Variants in ABCG5 observed in about 807,000 individuals in gnomAD.
ABCG5 encodes the protein ATP binding cassette subfamily G member 5, also known as ATP-binding cassette sub-family G member 5.
A neutral mutation model predicts 64.5 loss-of-function variants in ABCG5; 64 were observed. The ratio of observed to expected loss-of-function variants is 0.99; its 90% CI spans 0.81 to 1.22. ABCG5 has a LOEUF of 1.22. Ranked by LOEUF, ABCG5 falls within the 50% of genes most tolerant of loss-of-function variation. The pLI is 0.00. For synonymous variants in ABCG5, 385 were observed against 326.3 expected (o/e 1.18, Z -1.94); for missense variants, 908 against 829.5 (o/e 1.09, Z -1.16).
chr2:43,811,909 T>C (rs140051355), downstream of ABCG5, among the ~76,000 whole-genome samples: 6 of 152,308 alleles, frequency 3.9e-5, no homozygotes, highest in African/African-American at 1.4e-4. Context: ...CCATTTTTAA[T>C]AACCTATTTA....
At chr2:43,823,849 T>C in intron 9 of ABCG5, 64 bp downstream of exon 9, 1 of 1,569,810 alleles carries the variant, frequency 6.4e-7, no homozygotes. Context: ...TTTTGTAAGG[T>C]TACAGCTGGA....
chr2:43,838,983 G>T, upstream of ABCG5: 2 of 1,478,376 alleles, frequency 1.4e-6, no homozygotes, highest in South Asian at 2.4e-5. This position sits in a 1 kb window ranked among gnomAD's most constrained non-coding sequence, Gnocchi z 4.2. Flanking sequence ...ACAGAGTGAA[G>T]ACACTGGCCC....
intron 4 of ABCG5, 139 bp downstream of exon 4, chr2:43,831,630 T>G: frequency 1.2e-6 from 1 of 845,476 alleles, no homozygotes; most frequent in Non-Finnish European, 1.9e-6. Context: ...GGGTGCACGG[T>G]GCAGGACGCA....
intron 2 of ABCG5, among the ~76,000 whole-genome samples, chr2:43,835,838 C>T (rs958405239): frequency 6.4e-4 from 98 of 152,272 alleles, no homozygotes; most frequent in Middle Eastern, 3.4e-3. Context: ...GACTTCCCAG[C>T]CCCTAGAACT....
Position 43,837,828 on chromosome 2 carries a change from G to A in ABCG5, c.265+6C>T, listed in dbSNP as rs528294492. ...TCCTTTTTAGAATCCTCCTTCCCAAGCTTACCTGAGCTTCCTAGGATGCAC... is the reference window on the plus strand; with the variant it reads ...TCCTTTTTAGAATCCTCCTTCCCAAACTTACCTGAGCTTCCTAGGATGCAC... On this transcript the variant is annotated splice_donor_region_variant and intron_variant, in intron 2 of 12. Transcript: ENST00000405322. 4 of 1,613,830 alleles carry A rather than the reference G, an allele frequency of 2.5e-6. No individual in the cohort carries two copies. The African/African-American group carries it at 5.3e-5, about 22-fold the overall frequency.
At chr2:43,814,389 C>G in intron 12 of ABCG5, 88 bp downstream of exon 12, 1 of 833,952 alleles carries the variant, frequency 1.2e-6, no homozygotes, top group Non-Finnish European at 2.0e-6. Context: ...TTATAAAACA[C>G]AGTTTTTATT....
intron 11 of ABCG5, among the ~76,000 whole-genome samples, chr2:43,815,649 C>A (rs1666766486): frequency 6.6e-6 from 1 of 152,032 alleles, no homozygotes; most frequent in Admixed American, 6.6e-5. Context: ...TCTAGGAAGG[C>A]AGAAATGGTA....
Position 43,824,396 on chromosome 2 carries a change from C to A in ABCG5, c.941G>T (p.Arg314Leu). 2 of 1,614,048 alleles carry A rather than the reference C, an allele frequency of 1.2e-6. No homozygotes were observed. Among genetic ancestry groups the A allele is most frequent in the Non-Finnish European group, 1.7e-6 (2 of 1,180,014 alleles). The change falls in exon 8 of 13, where the codon CGG becomes CTG. Residue 314 changes from arginine (R) to leucine (L), a missense_variant. Physicochemically the swap from Arg to Leu is moderately radical, Grantham distance 102 (BLOSUM62 -2). Transcript: ENST00000405322. ...GACTCTCTTGGAGGTTTCTATTTCCCGTTCCTTGCTTTGGGTATCCACTGA... is the reference window on the plus strand; with the variant it reads ...GACTCTCTTGGAGGTTTCTATTTCCAGTTCCTTGCTTTGGGTATCCACTGA... ...LTSVDTQSKEREIETSKRVQM... is the reference protein window; with the variant it reads ...LTSVDTQSKELEIETSKRVQM...
At chr2:43,834,784 A>G (rs1668159189) in intron 2 of ABCG5, among the ~76,000 whole-genome samples, 3 of 152,374 alleles carry the variant, frequency 2.0e-5, no homozygotes, top group Admixed American at 2.0e-4. Flanking sequence ...TCAACAGCAA[A>G]TAACAATTCA....
chr2:43,823,834 T>C, intron 9 of ABCG5, 79 bp downstream of exon 9: 3 of 1,520,406 alleles, frequency 2.0e-6, no homozygotes, highest in Non-Finnish European at 2.7e-6. Context: ...CTTATAATGG[T>C]AGACTTTTGT....
chr2:43,826,948 A>C (rs1346679310), intron 5 of ABCG5, among the ~76,000 whole-genome samples: 1 of 152,238 alleles, frequency 6.6e-6, no homozygotes, highest in Non-Finnish European at 1.5e-5. Flanking sequence ...AAAAGAAAAA[A>C]ATCTGACGAA....
At chr2:43,830,000 A>C (rs1667866381) in intron 4 of ABCG5, among the ~76,000 whole-genome samples, 1 of 152,232 alleles carries the variant, frequency 6.6e-6, no homozygotes, top group African/African-American at 2.4e-5. Flanking sequence ...TTCTCTTGCC[A>C]TCAGGGTAGA....
chr2:43,828,472 C>CA (rs754944007), intron 4 of ABCG5: 16,488 of 189,334 alleles, frequency 0.087, 472 homozygotes, highest in African/African-American at 0.13. Context: ...CCTGTCTCTA[C>CA]AAAAAAAAAA....
chr2:43,815,264 C>T (rs534416074), intron 11 of ABCG5, among the ~76,000 whole-genome samples: 62 of 152,302 alleles, frequency 4.1e-4, no homozygotes, highest in African/African-American at 1.3e-3. Flanking sequence ...TCTTCTTAGT[C>T]CACTGTATAT....
chr2:43,827,937 G>C lies in ABCG5; in HGVS notation c.634+46C>G, dbSNP rs537004845. ...GGCCCAAAGTATCTGCACACACACA[G>C]AAGATGCCCAGACAGCAGCTAGTAA... On this transcript the variant is annotated intron_variant, in intron 5 of 12. Transcript: ENST00000405322. The C allele has an allele frequency of 2.8e-4, 446 of 1,611,662 alleles. 5 individuals carry two copies. The South Asian group carries it at 4.6e-3, about 17-fold the overall frequency.
At chr2:43,822,510 T>C (rs116594700) in intron 10 of ABCG5, 2 of 961,256 alleles carry the variant, frequency 2.1e-6, no homozygotes, top group Non-Finnish European at 2.5e-6. Context: ...CCTAGCTACT[T>C]CAGAGTCCTC....
In ABCG5 at chr2:43,826,376, T is replaced by A. The variant is rs369978597; in HGVS notation, c.774+6A>T. On this transcript the variant is annotated splice_donor_region_variant and intron_variant, in intron 6 of 12. Coordinates refer to ENST00000405322, the MANE Select transcript of ABCG5 (RefSeq NM_022436.3). ...AGACCCGGCCTTTACGAGTTGAACC[T>A]CTTACCTGAAAAAGCTCAGAACGGG... 1.2e-6 allele frequency: 2 copies of A among 1,613,918 alleles called. No individual in the cohort carries two copies. Among genetic ancestry groups the A allele is most frequent in the Non-Finnish European group, 1.7e-6 (2 of 1,179,956 alleles).
At chr2:43,822,413 T>C (rs986954991) in intron 10 of ABCG5, 5 of 667,800 alleles carry the variant, frequency 7.5e-6, no homozygotes, top group Non-Finnish European at 3.7e-6. Flanking sequence ...TGCTGTCCTC[T>C]TCCCACCCTC....
Position 43,824,025 on chromosome 2 carries a change from A to C in ABCG5, c.1212T>G (p.Val404=). ...LIMGLFLLFF[V]LRVRSNVLKG... is the part of the protein sequence containing the mutation. ...TTAGCACATTGCTTCGGACCCGCAG[A>C]ACGAAGAAAAGGAGGAACAAACCCA... Residue 404 remains valine, a synonymous_variant, in exon 9 of 13, where the codon GTT becomes GTG. Transcript: ENST00000405322. The C allele has an allele frequency of 6.2e-7, 1 of 1,614,224 alleles. No individual in the cohort carries two copies. Among genetic ancestry groups the C allele is most frequent in the South Asian group, 1.1e-5 (1 of 91,082 alleles).
Sources: gnomAD v4.1 joint callset for allele counts (sites outside exome capture counted in the v4.1 genomes callset) on GRCh38, gnomAD v4.1.1 for gene constraint, Gnocchi (gnomAD v3.1) non-coding constraint, MANE v1.5 for transcripts, NCBI Gene and HGNC (gene_info 2026-07-23, HGNC 2026-07-21) for gene names.